The following NRF1 variants were observed in gnomAD, a reference collection of about 807,000 sequenced individuals.
The protein encoded by NRF1 is nuclear respiratory factor 1.
In NRF1, 5 loss-of-function variants were observed where a neutral mutation model predicts 58.5. The observed-to-expected ratio is 0.09, with a 90% CI of 0.04 to 0.18. NRF1 has a LOEUF of 0.18. Among genes scored for constraint, NRF1 ranks in the 10% least tolerant of loss-of-function variants. The probability of loss-of-function intolerance (pLI) is 1.00; values close to 1 mark genes in which losing one functional copy is unlikely to be tolerated. For missense variants in NRF1, 288 were observed against 657.7 expected (o/e 0.44, Z 6.15); for synonymous variants, 224 against 246.7 (o/e 0.91, Z 0.86).
At position 129,710,442 on chromosome 7, in the gene NRF1, T is replaced by C. The variant is rs1562978720; in HGVS notation, c.834T>C (p.Leu278=). The change falls in exon 7 of 11, where the codon CTT becomes CTC. Residue 278 remains leucine (L), a synonymous_variant. Coordinates refer to ENST00000393232, the MANE Select transcript of NRF1 (RefSeq NM_005011.5). ...NCYKQHGRED[L]LYAFEDQQTQ... Reference sequence around the variant, plus strand: ...ATAAACAGCATGGGCGGGAAGACCTTTTGTATGCCTTTGAAGATCAGCAAA... The same window carrying C: ...ATAAACAGCATGGGCGGGAAGACCTCTTGTATGCCTTTGAAGATCAGCAAA... 1 of 1,614,190 alleles carries C rather than the reference T, an allele frequency of 6.2e-7. No homozygotes were observed. Among genetic ancestry groups the C allele is most frequent in the Non-Finnish European group, 8.5e-7 (1 of 1,180,030 alleles).
intron 9 of NRF1, among the ~76,000 whole-genome samples, chr7:129,723,554 A>G (rs1345389738): frequency 2.0e-5 from 3 of 152,222 alleles, no homozygotes; most frequent in Admixed American, 6.5e-5. Flanking sequence ...AATATTCATT[A>G]AAGTCTCTCT....
At chr7:129,716,849 G>A (rs1343492137) in intron 8 of NRF1, among the ~76,000 whole-genome samples, 6 of 142,324 alleles carry the variant, frequency 4.2e-5, no homozygotes, top group East Asian at 4.3e-4. Flanking sequence ...CGGCTTGGGC[G>A]ACAGAGGGAG....
intron 1 of NRF1, among the ~76,000 whole-genome samples, chr7:129,643,673 G>A (rs1422960671): frequency 6.6e-6 from 1 of 152,142 alleles, no homozygotes; most frequent in Non-Finnish European, 1.5e-5. Context: ...CTACATATTT[G>A]AGAATGCACT....
rs777729804 is a variant in NRF1, at chr7:129,710,591, A to G, written c.963+20A>G. The G allele has an allele frequency of 1.4e-5, 18 of 1,292,986 alleles. No individual in the cohort carries two copies. The highest frequency in any genetic ancestry group is 3.4e-5 in the Admixed American group (2 of 59,630). 80.1% of individuals were successfully genotyped at this position (1,292,986 alleles called of 1,614,324 possible). A position where few individuals can be genotyped will look rare whatever the true frequency, so the allele number is the denominator to read the frequency against. Reference sequence around the variant, plus strand: ...ATCCAGGTGAGTAAACCTGAGGGCTACCAGACTGTGGCTTCTGAGATGGAT... The same window carrying G: ...ATCCAGGTGAGTAAACCTGAGGGCTGCCAGACTGTGGCTTCTGAGATGGAT... On this transcript the variant is annotated intron_variant, in intron 7 of 10. Transcript: ENST00000393232.
chr7:129,667,646 C>A (rs570384886), intron 2 of NRF1, among the ~76,000 whole-genome samples: 1 of 151,656 alleles, frequency 6.6e-6, no homozygotes, highest in South Asian at 2.1e-4. Flanking sequence ...CTTTCGGGAT[C>A]TTGTTTAAGG....
chr7:129,711,209 T>C (rs1020637622), intron 7 of NRF1, among the ~76,000 whole-genome samples: 51 of 152,184 alleles, frequency 3.4e-4, no homozygotes, highest in African/African-American at 1.1e-3. Context: ...GAGGTGAGAA[T>C]AGAAAGTTGG....
intron 1 of NRF1, among the ~76,000 whole-genome samples, chr7:129,635,697 G>C (rs1801156014): frequency 1.3e-5 from 2 of 152,142 alleles, no homozygotes; most frequent in Admixed American, 1.3e-4. Context: ...GCTCGTTTAA[G>C]TCAGGATGCA....
At chr7:129,744,263 T>G (rs1584691049) in intron 10 of NRF1, 3 of 1,537,792 alleles carry the variant, frequency 2.0e-6, no homozygotes. Context: ...AGGAAGCAGC[T>G]GGAGGATAGA....
At chr7:129,700,432 A>G (rs1802794292) in intron 5 of NRF1, among the ~76,000 whole-genome samples, 1 of 152,198 alleles carries the variant, frequency 6.6e-6, no homozygotes, top group Admixed American at 6.5e-5. Flanking sequence ...TGCAATGTTT[A>G]AACTCTCCAA....
At chr7:129,687,168 A>G (rs1031590479) in intron 4 of NRF1, among the ~76,000 whole-genome samples, 5 of 151,732 alleles carry the variant, frequency 3.3e-5, no homozygotes, top group African/African-American at 1.2e-4. Context: ...TTCATGTAAT[A>G]TTGTCCTCTG....
chr7:129,658,391 A>C (rs1344330970), intron 2 of NRF1, among the ~76,000 whole-genome samples: 1 of 152,098 alleles, frequency 6.6e-6, no homozygotes, highest in Non-Finnish European at 1.5e-5. Flanking sequence ...CAGGAGTTTG[A>C]GACCAGCCTG....
chr7:129,652,773 T>A (rs1002306462), intron 1 of NRF1, among the ~76,000 whole-genome samples: 9 of 152,078 alleles, frequency 5.9e-5, no homozygotes, highest in Non-Finnish European at 1.2e-4. Context: ...TGTATTTTTT[T>A]AGTAGAGACA....
chr7:129,720,864 A>G (rs965209747), intron 9 of NRF1, among the ~76,000 whole-genome samples: 4 of 152,140 alleles, frequency 2.6e-5, no homozygotes, highest in East Asian at 1.9e-4. Context: ...CCTAAAAACT[A>G]TGTTAATTTT....
In NRF1 at chr7:129,711,582, A is replaced by G. The variant is rs749505388; in HGVS notation, c.1065+6A>G. On this transcript the variant is annotated splice_donor_region_variant and intron_variant, in intron 8 of 10. Coordinates refer to ENST00000393232, the MANE Select transcript of NRF1 (RefSeq NM_005011.5). The stretch of plus-strand genomic sequence containing the variant: ...CTGCCGTGGCTGATGGAGAGGTAAG[A>G]AAGAGATTCCATCTGCATCTTCTTA... 14 of 1,602,350 alleles carry G rather than the reference A, an allele frequency of 8.7e-6. No individual in the cohort carries two copies. The highest frequency in any genetic ancestry group is 1.7e-5 in the Admixed American group (1 of 59,282).
At chr7:129,747,541 G>A (rs1386965607) in intron 10 of NRF1, among the ~76,000 whole-genome samples, 3 of 152,164 alleles carry the variant, frequency 2.0e-5, no homozygotes, top group Non-Finnish European at 1.5e-5. Context: ...TTGAAAAGCA[G>A]TGGCATTTAT....
intron 5 of NRF1, among the ~76,000 whole-genome samples, chr7:129,693,944 G>A (rs1196238512): frequency 6.6e-6 from 1 of 152,148 alleles, no homozygotes; most frequent in Non-Finnish European, 1.5e-5. Flanking sequence ...TCGTGGATTG[G>A]CCACAAAAGT....
At position 129,755,543 on chromosome 7, in the gene NRF1, A is replaced by T. The variant is rs2116336817; in HGVS notation, c.*362A>T. 1 of 2,986 alleles carries T rather than the reference A, an allele frequency of 3.3e-4. No homozygotes were observed. Among genetic ancestry groups the T allele is most frequent in the South Asian group, 6.3e-3 (1 of 158 alleles). The allele number at this position is 2,986 out of a possible 1,614,324, so 0.2% of individuals were successfully genotyped here. On this transcript the variant is annotated 3_prime_UTR_variant, in exon 11 of 11. Coordinates refer to ENST00000393232, the MANE Select transcript of NRF1 (RefSeq NM_005011.5). The surrounding 1 kb of genome is among the most constrained non-coding windows in gnomAD (Gnocchi z 5.8). ...ATTTACATATATATAAAGTATATAT[A>T]TACATATATATATATATATATGTAT... is the stretch of plus-strand genomic sequence containing the variant.
At chr7:129,743,430 C>T (rs1803896399) in intron 10 of NRF1, among the ~76,000 whole-genome samples, 1 of 152,128 alleles carries the variant, frequency 6.6e-6, no homozygotes, top group African/African-American at 2.4e-5. Flanking sequence ...GCTGGGCTGC[C>T]AACACTTTCC....
chr7:129,619,421 T>TACAC lies in NRF1; in HGVS notation c.-7+7598_-7+7599insCACA, dbSNP rs1167995584. Among the ~76,000 whole-genome samples, 11 of 95,792 alleles carry TACAC rather than the reference T, an allele frequency of 1.1e-4. 1 individual carries two copies. Among genetic ancestry groups the TACAC allele is most frequent in the East Asian group, 3.5e-4 (1 of 2,842 alleles). The allele number at this position is 95,792 out of a possible 152,430, so 62.8% of individuals were successfully genotyped here. On this transcript the variant is annotated intron_variant, in intron 1 of 10. Transcript: ENST00000393232. ...GTATATATATATATATATATATATA[T>TACAC]ATATATATATATACACACACACACA...
Sources: gnomAD v4.1 joint callset for allele counts (sites outside exome capture counted in the v4.1 genomes callset) on GRCh38, gnomAD v4.1.1 for gene constraint, Gnocchi (gnomAD v3.1) non-coding constraint, MANE v1.5 for transcripts, NCBI Gene and HGNC (gene_info 2026-07-23, HGNC 2026-07-21) for gene names.